FAT3: variants seen among roughly 807,000 people sequenced by gnomAD.
The protein encoded by FAT3 is protocadherin Fat 3.
FAT3 carries 95 observed loss-of-function variants against 310.2 expected under a neutral mutation model. The ratio of observed to expected loss-of-function variants is 0.31; its 90% CI spans 0.26 to 0.36. The LOEUF is 0.36. FAT3 is among the 10% of genes least tolerant of loss of function. The pLI, the probability that FAT3 is intolerant of heterozygous loss-of-function variation, is 1.00. For synonymous variants in FAT3, 2,314 were observed against 2,192.9 expected (o/e 1.06, Z -1.54); for missense variants, 5,408 against 5,715.6 (o/e 0.95, Z 1.74).
rs377582656 is a variant in FAT3, at chr11:92,892,915, A to T, written c.*1802A>T. 1.3e-5 allele frequency: 2 copies of T among 152,058 alleles called. No individual in the cohort carries two copies. Among genetic ancestry groups the T allele is most frequent in the East Asian group, 3.9e-4 (2 of 5,170 alleles). The allele number at this position is 152,058 out of a possible 1,614,324, so 9.4% of individuals were successfully genotyped here. A position where few individuals can be genotyped will look rare whatever the true frequency, so the allele number is the denominator to read the frequency against. On this transcript the variant is annotated 3_prime_UTR_variant, in exon 28 of 28. Transcript: ENST00000525166. The stretch of plus-strand genomic sequence containing the variant: ...AAACTGAAAGTTGACAGGTTGAGGG[A>T]CTTTCCTTTTTTGCTTCAATCAGAT...
At chr11:92,794,352 C>A (rs907394848) in intron 9 of FAT3, among the ~76,000 whole-genome samples, 8 of 151,966 alleles carry the variant, frequency 5.3e-5, no homozygotes, top group Admixed American at 5.2e-4. Flanking sequence ...GTGTTTTTTT[C>A]TTTTCCCCGT....
intron 2 of FAT3, 137 bp downstream of exon 2, chr11:92,355,541 A>T: frequency 1.1e-5 from 9 of 791,348 alleles, no homozygotes; most frequent in Non-Finnish European, 1.7e-5. Context: ...ACGCACATAG[A>T]TGCTTTTTCT....
intron 2 of FAT3, among the ~76,000 whole-genome samples, chr11:92,399,618 G>A (rs369596786): frequency 2.6e-5 from 4 of 152,258 alleles, no homozygotes; most frequent in African/African-American, 9.6e-5. Flanking sequence ...AGCAGAAGAG[G>A]AAATATCCTA....
intron 3 of FAT3, among the ~76,000 whole-genome samples, chr11:92,636,890 G>A (rs951873347): frequency 3.3e-5 from 5 of 152,224 alleles, no homozygotes; most frequent in South Asian, 4.1e-4. Flanking sequence ...AGTTATCTTG[G>A]CTACAAATGT....
chr11:92,458,572 C>T (rs1407125770), intron 2 of FAT3, among the ~76,000 whole-genome samples: 1 of 126,650 alleles, frequency 7.9e-6, no homozygotes. Flanking sequence ...TGCTGTTCCC[C>T]TTCCCAGCCA....
At chr11:92,564,799 C>T (rs368960295) in intron 3 of FAT3, among the ~76,000 whole-genome samples, 7 of 146,014 alleles carry the variant, frequency 4.8e-5, no homozygotes, top group Admixed American at 2.1e-4. Context: ...GGGTACATAA[C>T]GAAATGAAGG....
chr11:92,495,151 TA>T (rs1293905707), intron 2 of FAT3, among the ~76,000 whole-genome samples: 19 of 152,068 alleles, frequency 1.2e-4, no homozygotes, highest in Non-Finnish European at 2.8e-4. Context: ...CCTAGCAAAT[TA>T]TACATTTCAA....
intron 2 of FAT3, among the ~76,000 whole-genome samples, chr11:92,439,880 C>T (rs565079559): frequency 6.6e-6 from 1 of 151,648 alleles, no homozygotes; most frequent in East Asian, 1.9e-4. Flanking sequence ...CGCACCACTG[C>T]ACTCCATCCT....
At chr11:92,719,720 C>CTGTG (rs751825746) in intron 4 of FAT3, among the ~76,000 whole-genome samples, 5,096 of 136,788 alleles carry the variant, frequency 0.037, 103 homozygotes, top group East Asian at 0.065. Context: ...AGAACCAACT[C>CTGTG]TGTGTGTGTG....
At chr11:92,471,599 G>A (rs948198554) in intron 2 of FAT3, among the ~76,000 whole-genome samples, 1 of 152,098 alleles carries the variant, frequency 6.6e-6, no homozygotes, top group Non-Finnish European at 1.5e-5. Flanking sequence ...TGGGGATGGT[G>A]TAAATTGTTT....
chr11:92,889,142 C>A (rs112921932), intron 25 of FAT3, 47 bp from the exon 26 acceptor site: 3 of 690,022 alleles, frequency 4.3e-6, no homozygotes, highest in Non-Finnish European at 2.7e-6. Flanking sequence ...TACAACTAAC[C>A]TGAAGCTGTC....
At chr11:92,838,349 G>A (rs1565638376) in intron 17 of FAT3, among the ~76,000 whole-genome samples, 1 of 152,160 alleles carries the variant, frequency 6.6e-6, no homozygotes, top group African/African-American at 2.4e-5. Context: ...TAAGCAATTT[G>A]TTTAACACTT....
intron 19 of FAT3, among the ~76,000 whole-genome samples, chr11:92,854,414 G>A (rs568233290): frequency 5.4e-4 from 82 of 152,246 alleles, no homozygotes; most frequent in African/African-American, 1.9e-3. Flanking sequence ...TCAGTAGGGG[G>A]GTGGGGCTCC....
chr11:92,631,516 A>G lies in FAT3; in HGVS notation c.3608-65868A>G, dbSNP rs540842692. Among the ~76,000 whole-genome samples the G allele has an allele frequency of 7.9e-5, 12 of 152,116 alleles. No individual in the cohort carries two copies. The South Asian group carries it at 2.5e-3, about 32-fold the overall frequency. On this transcript the variant is annotated intron_variant, in intron 3 of 27. Coordinates refer to ENST00000525166, the MANE Select transcript of FAT3 (RefSeq NM_001367949.2). The stretch of plus-strand genomic sequence containing the variant: ...AGTTCTCATGACATCTGATGGTTTT[A>G]TAAAGGGCTCTTCCCCCTTTGCTTT...
rs189293108 is a variant in FAT3 at position 92,614,675 on chromosome 11, T to C, written c.3608-82709T>C. On this transcript the variant is annotated intron_variant, in intron 3 of 27. Transcript: ENST00000525166. ...ATCAATGCATTGTCTTTTCACTTTC[T>C]TGATGATCTTATTTGAAGAAAAAAA... Among the ~76,000 whole-genome samples, 59 of 152,330 alleles carry C rather than the reference T, an allele frequency of 3.9e-4. No homozygotes were observed. In the East Asian group the frequency reaches 9.8e-3, roughly 25 times the overall value.
At chr11:92,309,964 G>GC (rs1555007631) in intron 1 of FAT3, among the ~76,000 whole-genome samples, 21 of 138,626 alleles carry the variant, frequency 1.5e-4, no homozygotes, top group Non-Finnish European at 2.4e-4. Flanking sequence ...TTAGATCTCT[G>GC]TTTTTTTTTT....
chr11:92,832,111 G>A (rs910826602), intron 14 of FAT3, 100 bp downstream of exon 14: 23 of 1,333,970 alleles, frequency 1.7e-5, no homozygotes, highest in African/African-American at 5.9e-5. Flanking sequence ...CAAGAAGATC[G>A]AGTGAGTCCA....
intron 2 of FAT3, among the ~76,000 whole-genome samples, chr11:92,484,060 A>G (rs572512667): frequency 6.6e-6 from 1 of 152,360 alleles, no homozygotes; most frequent in South Asian, 2.1e-4. Context: ...TAAGTGGTCA[A>G]GGGCTGAGTC....
At chr11:92,307,801 T>G (rs750586108) in intron 1 of FAT3, among the ~76,000 whole-genome samples, 18 of 152,170 alleles carry the variant, frequency 1.2e-4, no homozygotes, top group Non-Finnish European at 2.6e-4. Flanking sequence ...TTTATTTCCC[T>G]CCTCAGCTTG....
Sources: gnomAD v4.1 joint callset for allele counts (sites outside exome capture counted in the v4.1 genomes callset) on GRCh38, gnomAD v4.1.1 for gene constraint, MANE v1.5 for transcripts, NCBI Gene and HGNC (gene_info 2026-07-23, HGNC 2026-07-21) for gene names.